Variants in PRKCA observed in about 807,000 individuals in gnomAD.
PRKCA encodes the protein protein kinase C alpha type.
PRKCA carries 27 observed loss-of-function variants against 87.0 expected under a neutral mutation model. The observed-to-expected ratio is 0.31, with a 90% CI of 0.23 to 0.43. PRKCA has a LOEUF of 0.43. PRKCA is among the 20% of genes least tolerant of loss of function. The probability of loss-of-function intolerance (pLI) is 1.00; values close to 1 mark genes in which losing one functional copy is unlikely to be tolerated. For synonymous variants in PRKCA, 329 were observed against 311.1 expected, an observed-to-expected ratio of 1.06 and a Z score of -0.61; for missense variants, 518 against 852.3, an observed-to-expected ratio of 0.61 and a Z score of 4.88.
At chr17:66,335,010 A>T (rs974857353) in intron 2 of PRKCA, among the ~76,000 whole-genome samples, 1 of 152,232 alleles carries the variant, frequency 6.6e-6, no homozygotes, top group Non-Finnish European at 1.5e-5. Context: ...ACAAAAGGAC[A>T]AATGTATAGT....
chr17:66,781,887 AGTGTGTG>A (rs1975234553), intron 14 of PRKCA, among the ~76,000 whole-genome samples: 2 of 125,548 alleles, frequency 1.6e-5, no homozygotes. Context: ...ATATATATAT[AGTGTGTG>A]TGTGTGTGTG....
intron 2 of PRKCA, among the ~76,000 whole-genome samples, chr17:66,380,604 A>G (rs913722684): frequency 6.6e-6 from 1 of 152,246 alleles, no homozygotes. Flanking sequence ...GAATTATTGT[A>G]TAAATATATG....
rs150527968 is a variant in PRKCA, at chr17:66,587,514, G to A, written c.289-53841G>A. Among the ~76,000 whole-genome samples, 878 of 151,928 alleles carry A rather than the reference G, an allele frequency of 5.8e-3. 11 individuals carry two copies. The highest frequency in any genetic ancestry group is 0.018 in the African/African-American group (727 of 41,416). On this transcript the variant is annotated intron_variant, in intron 3 of 16. Coordinates refer to ENST00000413366, the MANE Select transcript of PRKCA (RefSeq NM_002737.3). The stretch of plus-strand genomic sequence containing the variant: ...TATATATGATGACAGTAATTGGTTC[G>A]TTTTCCTAATGGAGGACAGCTAGAT...
At chr17:66,354,252 TAAG>T (rs907146773) in intron 2 of PRKCA, among the ~76,000 whole-genome samples, 1 of 152,250 alleles carries the variant, frequency 6.6e-6, no homozygotes, top group African/African-American at 2.4e-5. Flanking sequence ...GACTCAAACT[TAAG>T]AAAGAATTAT....
intron 14 of PRKCA, among the ~76,000 whole-genome samples, chr17:66,784,288 C>G (rs1403026638): frequency 6.6e-6 from 1 of 152,090 alleles, no homozygotes; most frequent in Non-Finnish European, 1.5e-5. Flanking sequence ...CTCTGTCTCC[C>G]AGGCTAGAGT....
chr17:66,585,545 G>T (rs1305292287), intron 3 of PRKCA, among the ~76,000 whole-genome samples: 1 of 152,184 alleles, frequency 6.6e-6, no homozygotes, highest in East Asian at 1.9e-4. Context: ...CAGGTATTGG[G>T]GATTAAGACT....
intron 3 of PRKCA, among the ~76,000 whole-genome samples, chr17:66,608,068 C>G (rs1363885526): frequency 6.6e-6 from 1 of 152,102 alleles, no homozygotes; most frequent in South Asian, 2.1e-4. Context: ...TGACTTCTGT[C>G]GTCTGCTGGT....
chr17:66,447,802 C>T (rs914000232), intron 2 of PRKCA, among the ~76,000 whole-genome samples: 1 of 152,232 alleles, frequency 6.6e-6, no homozygotes, highest in African/African-American at 2.4e-5. Context: ...GCTACCTCCT[C>T]ACGTCTAGGC....
At chr17:66,636,720 A>G (rs1598833758) in intron 3 of PRKCA, among the ~76,000 whole-genome samples, 2 of 152,230 alleles carry the variant, frequency 1.3e-5, no homozygotes, top group East Asian at 1.9e-4. Context: ...TTTCTCTTAT[A>G]TTCCCTAAGC....
intron 2 of PRKCA, among the ~76,000 whole-genome samples, chr17:66,447,096 G>A (rs1477231000): frequency 1.3e-5 from 2 of 152,142 alleles, no homozygotes; most frequent in Admixed American, 6.5e-5. Context: ...GACAGACTGC[G>A]AAGTCACTCC....
chr17:66,641,592 C>G, intron 4 of PRKCA, 126 bp downstream of exon 4: 1 of 519,062 alleles, frequency 1.9e-6, no homozygotes, highest in Non-Finnish European at 3.4e-6. Flanking sequence ...GTTCAGATAT[C>G]TACCAGACTG....
intron 3 of PRKCA, among the ~76,000 whole-genome samples, chr17:66,603,675 T>C (rs1444299552): frequency 1.3e-5 from 2 of 152,200 alleles, no homozygotes; most frequent in Admixed American, 1.3e-4. Flanking sequence ...AGCACCTTCA[T>C]AATGTCATGT....
intron 3 of PRKCA, among the ~76,000 whole-genome samples, chr17:66,562,012 A>C (rs1598770833): frequency 6.7e-6 from 1 of 149,098 alleles, no homozygotes; most frequent in East Asian, 1.9e-4. Context: ...ATACAACTGT[A>C]CACTTAAAAA....
intron 3 of PRKCA, among the ~76,000 whole-genome samples, chr17:66,546,364 G>A (rs1365103780): frequency 6.6e-6 from 1 of 152,208 alleles, no homozygotes; most frequent in Non-Finnish European, 1.5e-5. Flanking sequence ...AACATAGAGT[G>A]TCTCAAAACA....
At chr17:66,362,024 CTCTTTCTTTCTT>C (rs149315256) in intron 2 of PRKCA, among the ~76,000 whole-genome samples, 3 of 151,764 alleles carry the variant, frequency 2.0e-5, no homozygotes, top group South Asian at 2.1e-4. Context: ...AGGGGTTGAG[CTCTTTCTTTCTT>C]TCTTTCTTTC....
chr17:66,626,774 T>C (rs1298565274), intron 3 of PRKCA, among the ~76,000 whole-genome samples: 1 of 152,224 alleles, frequency 6.6e-6, no homozygotes, highest in Non-Finnish European at 1.5e-5. Context: ...CCCAAAATTC[T>C]GGGATTACAG....
In PRKCA at chr17:66,810,476, A is replaced by C. The variant is rs1976138876; in HGVS notation, c.*6439A>C. The C allele has an allele frequency of 6.6e-6, 1 of 152,202 alleles. No homozygotes were observed. The highest frequency in any genetic ancestry group is 1.5e-5 in the Non-Finnish European group (1 of 68,036). The allele number at this position is 152,202 out of a possible 1,614,324, so 9.4% of individuals were successfully genotyped here. A position where few individuals can be genotyped will look rare whatever the true frequency, so the allele number is the denominator to read the frequency against. On this transcript the variant is annotated 3_prime_UTR_variant, in exon 17 of 17. Coordinates refer to ENST00000413366, the MANE Select transcript of PRKCA (RefSeq NM_002737.3). ...CCACGTTTAAATCATTAATTGAAAA[A>C]CATCATATAAGCCCCAACTTTGTTT...
intron 3 of PRKCA, among the ~76,000 whole-genome samples, 166 bp downstream of exon 3, chr17:66,496,449 T>G (rs548157458): frequency 1.3e-5 from 2 of 152,316 alleles, no homozygotes; most frequent in Admixed American, 1.3e-4. Flanking sequence ...CCATATGAGC[T>G]CTGGACTACA....
rs183902772 is a variant in PRKCA, at chr17:66,372,790, C to T, written c.205+66663C>T. Among the ~76,000 whole-genome samples the T allele has an allele frequency of 1.4e-3, 220 of 152,260 alleles. 3 individuals are homozygous for T. Among genetic ancestry groups the T allele is most frequent in the Non-Finnish European group, 1.9e-3 (129 of 68,024 alleles). Reference sequence around the variant, plus strand: ...AAGGGCAACAGGCCAGGCGCAGTGGCTCGCACCTGTAATCCCAGTACTTTG... The same window carrying T: ...AAGGGCAACAGGCCAGGCGCAGTGGTTCGCACCTGTAATCCCAGTACTTTG... On this transcript the variant is annotated intron_variant, in intron 2 of 16. Coordinates refer to ENST00000413366, the MANE Select transcript of PRKCA (RefSeq NM_002737.3).
Sources: gnomAD v4.1 joint callset for allele counts (sites outside exome capture counted in the v4.1 genomes callset) on GRCh38, gnomAD v4.1.1 for gene constraint, MANE v1.5 for transcripts, NCBI Gene and HGNC (gene_info 2026-07-23, HGNC 2026-07-21) for gene names.